ATRN: variants seen among roughly 807,000 people sequenced by gnomAD.
ATRN encodes the protein attractin.
Under a neutral mutation model 178.7 loss-of-function variants are expected in ATRN, and 54 were observed. That is an observed-to-expected ratio of 0.30 (90% CI 0.24 to 0.38). The LOEUF (loss-of-function observed/expected upper bound fraction) is 0.38. Among genes scored for constraint, ATRN ranks in the 10% least tolerant of loss-of-function variants. The pLI, the probability that ATRN is intolerant of heterozygous loss-of-function variation, is 1.00. For missense variants in ATRN, 1,443 were observed against 1,815.1 expected, an observed-to-expected ratio of 0.79 and a Z score of 3.73; for synonymous variants, 636 against 663.0, an observed-to-expected ratio of 0.96 and a Z score of 0.63.
In ATRN at chr20:3,650,852, A is replaced by G. The variant is rs957419748; in HGVS notation, c.*4005A>G. The stretch of plus-strand genomic sequence containing the variant: ...ATTCAAGCTTAGTTTGTTAATATGT[A>G]TAATTTAGCATCTATTACACTCATG... On this transcript the variant is annotated 3_prime_UTR_variant, in exon 29 of 29. Coordinates refer to ENST00000262919, the MANE Select transcript of ATRN (RefSeq NM_139321.3). The G allele has an allele frequency of 4.6e-5, 7 of 152,622 alleles. No individual in the cohort carries two copies. Among genetic ancestry groups the G allele is most frequent in the African/African-American group, 1.4e-4 (6 of 41,460 alleles). 9.5% of individuals were successfully genotyped at this position (152,622 alleles called of 1,614,324 possible). A position where few individuals can be genotyped will look rare whatever the true frequency, so the allele number is the denominator to read the frequency against.
At chr20:3,637,858 G>T (rs1161729002) in intron 26 of ATRN, among the ~76,000 whole-genome samples, 1 of 152,148 alleles carries the variant, frequency 6.6e-6, no homozygotes, top group East Asian at 1.9e-4. Flanking sequence ...GCCCCTGTTT[G>T]TCCCTCTACT....
chr20:3,488,659 C>G (rs948171686), intron 1 of ATRN, among the ~76,000 whole-genome samples: 1 of 152,108 alleles, frequency 6.6e-6, no homozygotes, highest in Non-Finnish European at 1.5e-5. Context: ...TTACCTTATT[C>G]TTGTTCTTTT....
intron 1 of ATRN, among the ~76,000 whole-genome samples, chr20:3,488,070 A>G (rs1024540473): frequency 6.7e-6 from 1 of 148,570 alleles, no homozygotes; most frequent in Non-Finnish European, 1.5e-5. Flanking sequence ...ACAGGACACT[A>G]TGGAGTTGGC....
At chr20:3,583,752 G>T (rs920236540) in intron 16 of ATRN, 146 bp from the exon 17 acceptor site, 1 of 758,682 alleles carries the variant, frequency 1.3e-6, no homozygotes, top group Non-Finnish European at 2.1e-6. Context: ...AGGTTGCAGT[G>T]AGCCGAAATT....
intron 6 of ATRN, among the ~76,000 whole-genome samples, chr20:3,559,062 T>G (rs1432732690): frequency 6.6e-6 from 1 of 152,180 alleles, no homozygotes; most frequent in Non-Finnish European, 1.5e-5. Context: ...AAAAGAAAAG[T>G]TATTGTAATA....
At chr20:3,642,411 A>G (rs992809074) in intron 27 of ATRN, among the ~76,000 whole-genome samples, 2 of 151,876 alleles carry the variant, frequency 1.3e-5, no homozygotes, top group South Asian at 4.2e-4. Context: ...CACCTCCATC[A>G]CCCTAGTTGC....
chr20:3,517,914 A>G (rs2146141641), intron 1 of ATRN, among the ~76,000 whole-genome samples: 1 of 152,170 alleles, frequency 6.6e-6, no homozygotes, highest in Non-Finnish European at 1.5e-5. Context: ...ACATATTTCC[A>G]GCTTCTACAG....
chr20:3,523,098 G>T (rs1359375393), intron 1 of ATRN, among the ~76,000 whole-genome samples: 1 of 151,780 alleles, frequency 6.6e-6, no homozygotes, highest in African/African-American at 2.4e-5. Context: ...TTCAGAAGGT[G>T]GGTAATAACA....
At chr20:3,478,921 C>CTTT (rs71331052) in intron 1 of ATRN, among the ~76,000 whole-genome samples, 203 of 125,986 alleles carry the variant, frequency 1.6e-3, no homozygotes, top group African/African-American at 3.7e-3. Flanking sequence ...AATTCATACC[C>CTTT]TTTTTTTTTT....
chr20:3,552,796 C>T (rs1009197792), intron 6 of ATRN, among the ~76,000 whole-genome samples: 12 of 152,108 alleles, frequency 7.9e-5, no homozygotes, highest in East Asian at 1.9e-4. Flanking sequence ...CCTTAATTTA[C>T]GGAGGCTGCC....
At chr20:3,571,658 A>C (rs369518703) in intron 11 of ATRN, among the ~76,000 whole-genome samples, 2 of 151,614 alleles carry the variant, frequency 1.3e-5, no homozygotes, top group Non-Finnish European at 2.9e-5. Flanking sequence ...GCATCTTCTC[A>C]TATGTTTAAG....
At chr20:3,552,459 C>T (rs1356549321) in intron 6 of ATRN, among the ~76,000 whole-genome samples, 1 of 152,046 alleles carries the variant, frequency 6.6e-6, no homozygotes, top group Non-Finnish European at 1.5e-5. Flanking sequence ...CCACTCCATC[C>T]TTCTATTTAC....
intron 27 of ATRN, among the ~76,000 whole-genome samples, chr20:3,640,840 CA>C (rs2087061845): frequency 6.6e-6 from 1 of 152,082 alleles, no homozygotes; most frequent in Non-Finnish European, 1.5e-5. Flanking sequence ...TCACAGTAGC[CA>C]AAAAGTGGAA....
chr20:3,512,769 G>A (rs1280923585), intron 1 of ATRN, among the ~76,000 whole-genome samples: 9 of 152,260 alleles, frequency 5.9e-5, no homozygotes, highest in African/African-American at 1.4e-4. Context: ...TCCAGCACCC[G>A]TTGTTTCCTG....
At chr20:3,471,571 G>A in intron 1 of ATRN, 54 bp downstream of exon 1, 1 of 1,364,824 alleles carries the variant, frequency 7.3e-7, no homozygotes, top group Non-Finnish European at 9.4e-7. Flanking sequence ...TGGGGCTGAG[G>A]GGCGTTCGAG....
In ATRN at chr20:3,471,165, G is replaced by A; in HGVS notation, c.58G>A (p.Ala20Thr). 2.0e-6 allele frequency: 3 copies of A among 1,504,478 alleles called. No individual in the cohort carries two copies. The highest frequency in any genetic ancestry group is 2.5e-5 in the South Asian group (2 of 81,574). 93.2% of individuals were successfully genotyped at this position (1,504,478 alleles called of 1,614,324 possible). A position where few individuals can be genotyped will look rare whatever the true frequency, so the allele number is the denominator to read the frequency against. The change falls in exon 1 of 29, where the codon GCA becomes ACA. Residue 20 changes from alanine (A) to threonine (T), a missense_variant. By Grantham distance (58) the Ala-to-Thr change is moderately conservative. Coordinates refer to ENST00000262919, the MANE Select transcript of ATRN (RefSeq NM_139321.3). ...GCTGAGGAGGAGGACGGCGGCGACGGCAGCGCTCGCGGGCAGGAGCGGCGG... is the reference window on the plus strand; with the variant it reads ...GCTGAGGAGGAGGACGGCGGCGACGACAGCGCTCGCGGGCAGGAGCGGCGG... ...ARLRRRTAAT[A>T]ALAGRSGGPH...
At chr20:3,479,049 C>T (rs2084578923) in intron 1 of ATRN, among the ~76,000 whole-genome samples, 1 of 151,228 alleles carries the variant, frequency 6.6e-6, no homozygotes, top group Non-Finnish European at 1.5e-5. Flanking sequence ...GGCCAGTGTG[C>T]CCAGCCAATT....
chr20:3,562,433 C>T lies in ATRN; in HGVS notation c.1605C>T (p.Tyr535=), dbSNP rs780265846. Residue 535 remains tyrosine, a synonymous_variant, in exon 9 of 29, where the codon TAC becomes TAT. Transcript: ENST00000262919. The part of the protein sequence containing the change: ...ANKYRLADDL[Y]RYDVDTQMWT... ...AGTACCGGCTTGCAGATGATCTCTA[C>T]CGATATGATGTGGATACCCAGATGT... 7 of 1,613,982 alleles carry T rather than the reference C, an allele frequency of 4.3e-6. No individual in the cohort carries two copies. The highest frequency in any genetic ancestry group is 3.4e-6 in the Non-Finnish European group (4 of 1,180,012).
rs577881012 is a variant in ATRN at position 3,579,255 on chromosome 20, G to T, written c.2544+483G>T. ...AATCCCAGCACTTTGGGAGGCTGAG[G>T]TGGGTGGATCGCCTGAGGTCAGGAG... On this transcript the variant is annotated intron_variant, in intron 15 of 28. Transcript: ENST00000262919. Among the ~76,000 whole-genome samples, 42 of 152,302 alleles carry T rather than the reference G, an allele frequency of 2.8e-4. No homozygotes were observed. The East Asian group carries it at 7.2e-3, about 26-fold the overall frequency.
Sources: gnomAD v4.1 joint callset for allele counts (sites outside exome capture counted in the v4.1 genomes callset) on GRCh38, gnomAD v4.1.1 for gene constraint, MANE v1.5 for transcripts, NCBI Gene and HGNC (gene_info 2026-07-23, HGNC 2026-07-21) for gene names.